The following DNAH3 variants were observed in gnomAD, a reference collection of about 807,000 sequenced individuals.
The protein encoded by DNAH3 is dynein axonemal heavy chain 3, also known as axonemal beta dynein heavy chain 3.
In DNAH3, 332 loss-of-function variants were observed where a neutral mutation model predicts 432.5. That is an observed-to-expected ratio of 0.77 (90% CI 0.70 to 0.84). The LOEUF (loss-of-function observed/expected upper bound fraction) is 0.84. Ranked by LOEUF, DNAH3 falls within the 40% of genes least tolerant of loss-of-function variation. DNAH3 has a pLI of 0.00. For missense variants in DNAH3, 4,861 were observed against 5,114.0 expected, an observed-to-expected ratio of 0.95 and a Z score of 1.51; for synonymous variants, 1,956 against 1,900.2, an observed-to-expected ratio of 1.03 and a Z score of -0.76.
At chr16:21,070,164 T>C (rs1165997554) in intron 22 of DNAH3, among the ~76,000 whole-genome samples, 1 of 152,220 alleles carries the variant, frequency 6.6e-6, no homozygotes, top group Non-Finnish European at 1.5e-5. Context: ...CCCAAATGCA[T>C]GTGTATTTGG....
intron 50 of DNAH3, among the ~76,000 whole-genome samples, chr16:20,978,519 T>A (rs2085702251): frequency 6.6e-6 from 1 of 151,984 alleles, no homozygotes; most frequent in East Asian, 1.9e-4. Context: ...AGAGAGAGAT[T>A]GCGTCTCGAA....
intron 43 of DNAH3, among the ~76,000 whole-genome samples, chr16:20,998,842 T>G (rs1348997392): frequency 6.6e-6 from 1 of 152,078 alleles, no homozygotes; most frequent in Non-Finnish European, 1.5e-5. Flanking sequence ...TTTAGGAGCT[T>G]TATATACATT....
intron 16 of DNAH3, among the ~76,000 whole-genome samples, chr16:21,099,081 GTTTA>G (rs1487525820): frequency 6.6e-5 from 10 of 152,174 alleles, no homozygotes; most frequent in Admixed American, 3.9e-4. Flanking sequence ...TATACATACT[GTTTA>G]TTCATTCAGC....
intron 36 of DNAH3, among the ~76,000 whole-genome samples, chr16:21,033,713 T>C (rs1451309870): frequency 1.3e-5 from 2 of 152,202 alleles, no homozygotes; most frequent in Non-Finnish European, 2.9e-5. Context: ...TGGGGGACCT[T>C]TGGAGAAACC....
exon 55 of DNAH3, chr16:20,954,870 A>G (rs753422361): frequency 1.5e-5 from 24 of 1,614,088 alleles, no homozygotes; most frequent in Non-Finnish European, 1.9e-5. Flanking sequence ...CAAAGGCCAA[A>G]TAACATCTTT....
Position 21,017,560 on chromosome 16 carries a change from G to A in DNAH3, c.6022+2064C>T, listed in dbSNP as rs528541818. Among the ~76,000 whole-genome samples, 42 of 152,238 alleles carry A rather than the reference G, an allele frequency of 2.8e-4. 1 individual carries two copies. The highest frequency in any genetic ancestry group is 1.5e-3 in the Admixed American group (23 of 15,276). On this transcript the variant is annotated intron_variant, in intron 41 of 61. Coordinates refer to ENST00000261383, the Ensembl canonical transcript of DNAH3. ...TGGCACCAATGTTCACCTCACATACGTTGATTGATGTCTCATATCTCACTA... is the reference window on the plus strand; with the variant it reads ...TGGCACCAATGTTCACCTCACATACATTGATTGATGTCTCATATCTCACTA...
exon 58 of DNAH3, chr16:20,944,530 G>C (rs751639085): frequency 6.2e-7 from 1 of 1,614,150 alleles, no homozygotes; most frequent in South Asian, 1.1e-5. Context: ...TGACTGTCTA[G>C]GGAGGGTCAG....
At chr16:21,003,510 C>T (rs1206941058) in intron 41 of DNAH3, among the ~76,000 whole-genome samples, 5 of 152,196 alleles carry the variant, frequency 3.3e-5, no homozygotes, top group African/African-American at 9.6e-5. Context: ...CAGTGGCTCA[C>T]GCCTGTAATC....
chr16:21,067,178 A>G, intron 24 of DNAH3, 105 bp downstream of exon 24: 1 of 1,234,956 alleles, frequency 8.1e-7, no homozygotes, highest in Non-Finnish European at 1.2e-6. Flanking sequence ...ACCAGGAAAG[A>G]GTATGGACTA....
At chr16:21,087,931 C>T (rs1240429731) in intron 18 of DNAH3, among the ~76,000 whole-genome samples, 2 of 152,178 alleles carry the variant, frequency 1.3e-5, no homozygotes, top group African/African-American at 2.4e-5. Flanking sequence ...AAAAGTAACA[C>T]CTCATTGTTT....
At chr16:21,098,369 G>A (rs2091744833) in intron 17 of DNAH3, among the ~76,000 whole-genome samples, 1 of 151,102 alleles carries the variant, frequency 6.6e-6, no homozygotes, top group Non-Finnish European at 1.5e-5. Context: ...AACCCAGGAG[G>A]TGGAGGTTGC....
chr16:20,970,891 G>C (rs1371354458), intron 51 of DNAH3, among the ~76,000 whole-genome samples: 2 of 136,964 alleles, frequency 1.5e-5, no homozygotes, highest in African/African-American at 5.5e-5. Flanking sequence ...TTGAGACAGA[G>C]TCTCGCTCTA....
chr16:20,955,125 A>C lies in DNAH3; in HGVS notation c.10827-68T>G, dbSNP rs1022070579. 12 of 1,470,840 alleles carry C rather than the reference A, an allele frequency of 8.2e-6. No individual in the cohort carries two copies. The African/African-American group carries it at 1.5e-4, about 19-fold the overall frequency. The allele number at this position is 1,470,840 out of a possible 1,614,324, so 91.1% of individuals were successfully genotyped here. ...GTTATAGTGAAAAGCAACAACAAAA[A>C]CAAAACAATAACAATAACAAAACAG... On this transcript the variant is annotated intron_variant, in intron 54 of 61. Transcript: ENST00000261383.
At chr16:20,985,350 G>A (rs369677174) in exon 48 of DNAH3, 55 of 1,614,062 alleles carry the variant, frequency 3.4e-5, no homozygotes, top group African/African-American at 4.0e-5. Context: ...CATTGCCTGC[G>A]TAGTTCTTGG....
Position 20,959,610 on chromosome 16 carries a change from AACACACACACACACAC to A in DNAH3, c.10601-222_10601-207del, listed in dbSNP as rs55757849. ...CACAGTGAGACCTTGTCTCTATTTA[AACACACACACACACAC>A]ACACACACACACACACACACACACA... On this transcript the variant is annotated intron_variant, in intron 53 of 61. Coordinates refer to ENST00000261383, the Ensembl canonical transcript of DNAH3. Among the ~76,000 whole-genome samples the A allele has an allele frequency of 4.5e-3, 616 of 137,626 alleles. 5 individuals carry two copies. The highest frequency in any genetic ancestry group is 0.014 in the African/African-American group (500 of 36,510). The allele number at this position is 137,626 out of a possible 152,430, so 90.3% of individuals were successfully genotyped here.
exon 27 of DNAH3, chr16:21,058,145 C>G: frequency 6.2e-7 from 1 of 1,614,066 alleles, no homozygotes. Flanking sequence ...ATGGAGGAGA[C>G]ACAGATAACC....
chr16:21,073,699 C>T (rs903581254), intron 21 of DNAH3, among the ~76,000 whole-genome samples: 8 of 152,210 alleles, frequency 5.3e-5, no homozygotes, highest in South Asian at 4.2e-4. Flanking sequence ...TCCTCTTGCC[C>T]GAAGCAAGCA....
At chr16:20,938,082 C>T (rs775748606) in intron 59 of DNAH3, among the ~76,000 whole-genome samples, 9 of 152,220 alleles carry the variant, frequency 5.9e-5, no homozygotes, top group Non-Finnish European at 1.0e-4. Flanking sequence ...GATGTGTAAC[C>T]ACTAAACCAT....
chr16:20,987,519 T>A, intron 46 of DNAH3, 71 bp from the exon 47 acceptor site: 1 of 1,590,284 alleles, frequency 6.3e-7, no homozygotes, highest in Non-Finnish European at 8.6e-7. Flanking sequence ...CAGTAGTAGG[T>A]AAGTCCTGGG....
Sources: allele counts gnomAD v4.1 joint callset (sites outside exome capture counted in the v4.1 genomes callset), GRCh38; gene constraint gnomAD v4.1.1; transcripts MANE v1.5; gene names NCBI Gene and HGNC (gene_info 2026-07-23, HGNC 2026-07-21).